The following TANGO2 variants were observed in gnomAD, a reference collection of about 807,000 sequenced individuals.
TANGO2 encodes transport and Golgi organization protein 2 homolog.
A neutral mutation model predicts 39.1 loss-of-function variants in TANGO2; 26 were observed. That is an observed-to-expected ratio of 0.67 (90% CI 0.49 to 0.92). TANGO2 has a LOEUF of 0.92. Among genes scored for constraint, TANGO2 ranks in the 40% least tolerant of loss-of-function variants. TANGO2 has a pLI of 0.00. For synonymous variants in TANGO2, 131 were observed against 144.5 expected, an observed-to-expected ratio of 0.91 and a Z score of 0.67; for missense variants, 326 against 360.1, an observed-to-expected ratio of 0.91 and a Z score of 0.77.
chr22:20,046,853 G>T (rs1178317560), intron 3 of TANGO2, among the ~76,000 whole-genome samples: 1 of 151,986 alleles, frequency 6.6e-6, no homozygotes, highest in Non-Finnish European at 1.5e-5. Context: ...GGCTGGGCTG[G>T]TCTCAAACTC....
chr22:20,021,094 G>A, upstream of TANGO2: 1 of 153,152 alleles, frequency 6.5e-6, no homozygotes, highest in Non-Finnish European at 1.5e-5. Context: ...GCGGTGGCGC[G>A]CGGGCGCGGC....
At position 20,026,388 on chromosome 22, in the gene TANGO2, A is replaced by C. The variant is rs570705612; in HGVS notation, c.-40+5142A>C. Among the ~76,000 whole-genome samples, 6 of 101,062 alleles carry C rather than the reference A, an allele frequency of 5.9e-5. No homozygotes were observed. The East Asian group carries it at 1.3e-3, about 22-fold the overall frequency. 66.3% of individuals were successfully genotyped at this position (101,062 alleles called of 152,430 possible). A position where few individuals can be genotyped will look rare whatever the true frequency, so the allele number is the denominator to read the frequency against. ...ACTCCAGCCTGGGCGACATAGCGAG[A>C]CTTCGTCTCAAAAAAAAAAAAAAAG... On this transcript the variant is annotated intron_variant, in intron 1 of 8. Transcript: ENST00000327374.
At chr22:20,029,295 G>A (rs997308409) in intron 1 of TANGO2, among the ~76,000 whole-genome samples, 1 of 152,204 alleles carries the variant, frequency 6.6e-6, no homozygotes, top group African/African-American at 2.4e-5. Context: ...CAGAAGGTGG[G>A]CAGAGAGGAC....
At chr22:20,046,886 G>C (rs1361230276) in intron 3 of TANGO2, among the ~76,000 whole-genome samples, 1 of 152,070 alleles carries the variant, frequency 6.6e-6, no homozygotes, top group Non-Finnish European at 1.5e-5. Context: ...GATCCACAAG[G>C]CTGGGTAATT....
chr22:20,032,306 C>T (rs891015061), intron 1 of TANGO2, among the ~76,000 whole-genome samples: 1 of 152,292 alleles, frequency 6.6e-6, no homozygotes, highest in Non-Finnish European at 1.5e-5. Context: ...CTGACTGCTT[C>T]TGCAAGCCTG....
chr22:20,056,588 C>T (rs1480580922), intron 6 of TANGO2: 1 of 456,746 alleles, frequency 2.2e-6, no homozygotes, highest in Non-Finnish European at 4.4e-6. Context: ...CCCTTCCTTT[C>T]CCCCTCCTCG....
At chr22:20,026,103 C>T (rs2040688671) in intron 1 of TANGO2, among the ~76,000 whole-genome samples, 1 of 152,206 alleles carries the variant, frequency 6.6e-6, no homozygotes, top group South Asian at 2.1e-4. Flanking sequence ...TGGGCAGATC[C>T]AAGAGCTTCA....
In TANGO2 at chr22:20,066,931, G is replaced by A. The variant is rs1263735409; in HGVS notation, c.*2269G>A. 6.6e-6 allele frequency: 1 copy of A among 152,338 alleles called. No individual in the cohort carries two copies. The highest frequency in any genetic ancestry group is 1.5e-5 in the Non-Finnish European group (1 of 68,156). 9.4% of individuals were successfully genotyped at this position (152,338 alleles called of 1,614,324 possible). ...TCCCCAGCAGCCTGAGGCCCCTAAG[G>A]AAGAACAGCCCTCAATGGTGATTCT... On this transcript the variant is annotated 3_prime_UTR_variant, in exon 9 of 9. Coordinates refer to ENST00000327374, the MANE Select transcript of TANGO2 (RefSeq NM_152906.7).
At chr22:20,051,245 C>T (rs372003087) in intron 3 of TANGO2, among the ~76,000 whole-genome samples, 2 of 151,768 alleles carry the variant, frequency 1.3e-5, no homozygotes, top group East Asian at 2.0e-4. Flanking sequence ...AAAATAATAT[C>T]TTAGGGCCAG....
intron 2 of TANGO2, among the ~76,000 whole-genome samples, chr22:20,037,847 C>G (rs2043153760): frequency 6.6e-6 from 1 of 152,154 alleles, no homozygotes; most frequent in Middle Eastern, 3.2e-3. Context: ...CCTGTAATCC[C>G]AGCACTTTGG....
At chr22:20,030,665 A>G (rs888469857) in intron 1 of TANGO2, among the ~76,000 whole-genome samples, 4 of 151,806 alleles carry the variant, frequency 2.6e-5, no homozygotes, top group Admixed American at 1.3e-4. Context: ...GGGTTTCACC[A>G]TGTTGGCCAG....
At chr22:20,025,601 CT>C (rs902243905) in intron 1 of TANGO2, among the ~76,000 whole-genome samples, 29 of 152,218 alleles carry the variant, frequency 1.9e-4, no homozygotes, top group African/African-American at 6.0e-4. Context: ...GCCCTGCCTC[CT>C]GTCCCCATGG....
intron 1 of TANGO2, among the ~76,000 whole-genome samples, chr22:20,027,627 A>T (rs563436467): frequency 1.3e-4 from 19 of 151,300 alleles, no homozygotes; most frequent in African/African-American, 4.4e-4. Flanking sequence ...TTTTTTTGAG[A>T]CTCAGAGTCT....
intron 2 of TANGO2, 83 bp downstream of exon 2, chr22:20,036,937 G>C: frequency 6.2e-7 from 1 of 1,613,912 alleles, no homozygotes; most frequent in Middle Eastern, 1.6e-4. Context: ...GCTGCTGTGT[G>C]CAGGAAGGTG....
intron 3 of TANGO2, among the ~76,000 whole-genome samples, chr22:20,051,586 T>G (rs775752837): frequency 3.3e-5 from 5 of 152,150 alleles, no homozygotes; most frequent in Non-Finnish European, 7.4e-5. Flanking sequence ...GTGCAGTGGC[T>G]CACTCCTGTA....
At chr22:20,062,226 CAG>C (rs2048514242) in intron 7 of TANGO2, among the ~76,000 whole-genome samples, 2 of 152,184 alleles carry the variant, frequency 1.3e-5, no homozygotes, top group South Asian at 4.1e-4. Flanking sequence ...CAAGGCCCCT[CAG>C]GGGCCAGGCA....
At chr22:20,046,411 G>A (rs1429485024) in intron 3 of TANGO2, among the ~76,000 whole-genome samples, 1 of 151,354 alleles carries the variant, frequency 6.6e-6, no homozygotes, top group African/African-American at 2.4e-5. Context: ...GCCTCCGAAA[G>A]TGCTGGGATT....
intron 6 of TANGO2, among the ~76,000 whole-genome samples, chr22:20,058,915 A>G (rs1298847071): frequency 6.6e-6 from 1 of 152,166 alleles, no homozygotes; most frequent in Non-Finnish European, 1.5e-5. Flanking sequence ...TACATGTAAC[A>G]TACATCCCAT....
chr22:20,057,065 C>A lies in TANGO2; in HGVS notation c.451+1052C>A, dbSNP rs2047510742. 1 of 425,362 alleles carries A rather than the reference C, an allele frequency of 2.4e-6. No homozygotes were observed. Among genetic ancestry groups the A allele is most frequent in the East Asian group, 7.1e-5 (1 of 14,110 alleles). The allele number at this position is 425,362 out of a possible 1,614,324, so 26.3% of individuals were successfully genotyped here. A position where few individuals can be genotyped will look rare whatever the true frequency, so the allele number is the denominator to read the frequency against. On this transcript the variant is annotated intron_variant, in intron 6 of 8. Coordinates refer to ENST00000327374, the MANE Select transcript of TANGO2 (RefSeq NM_152906.7). The surrounding 1 kb of genome is among the most constrained non-coding windows in gnomAD (Gnocchi z 4.1). ...TTCTTTTGCATTTGGCACAAATCAC[C>A]AAGTGAGGTTGCAGGTCACAGGTGC... is the stretch of plus-strand genomic sequence containing the variant.
Sources: gnomAD v4.1 joint callset for allele counts (sites outside exome capture counted in the v4.1 genomes callset) on GRCh38, gnomAD v4.1.1 for gene constraint, Gnocchi (gnomAD v3.1) non-coding constraint, MANE v1.5 for transcripts, NCBI Gene and HGNC (gene_info 2026-07-23, HGNC 2026-07-21) for gene names.